TRMT9B: variants seen among roughly 807,000 people sequenced by gnomAD.
TRMT9B encodes tRNA methyltransferase 9B (putative).
TRMT9B carries 16 observed loss-of-function variants against 11.5 expected under a neutral mutation model. The observed-to-expected ratio is 1.39, with a 90% CI of 0.94 to 2.11. The LOEUF (loss-of-function observed/expected upper bound fraction) is 2.11. Among genes scored for constraint, TRMT9B ranks in the 30% most tolerant of loss-of-function variants. The pLI, the probability that TRMT9B is intolerant of heterozygous loss-of-function variation, is 0.00. For missense variants in TRMT9B, 941 were observed against 553.8 expected, an observed-to-expected ratio of 1.70 and a Z score of -7.02; for synonymous variants, 274 against 192.4, an observed-to-expected ratio of 1.42 and a Z score of -3.51.
chr8:13,005,613 C>T (rs1810313545), intron 2 of TRMT9B, among the ~76,000 whole-genome samples: 1 of 152,100 alleles, frequency 6.6e-6, no homozygotes, highest in African/African-American at 2.4e-5. Flanking sequence ...CACAACCAGT[C>T]CTATATTTTA....
rs61536433 is a variant in TRMT9B at position 12,959,516 on chromosome 8, C to CTTTTTTTTTTTTTTTTTTTTTT, written c.-200+13552_-200+13573dup. Among the ~76,000 whole-genome samples the CTTTTTTTTTTTTTTTTTTTTTT allele has an allele frequency of 9.3e-5, 7 of 74,934 alleles. 1 individual carries two copies. Among genetic ancestry groups the CTTTTTTTTTTTTTTTTTTTTTT allele is most frequent in the Non-Finnish European group, 1.6e-4 (7 of 42,664 alleles). 49.2% of individuals were successfully genotyped at this position (74,934 alleles called of 152,430 possible). ...TCTCCTCTCCTTTCCTTTTTCCTTC[C>CTTTTTTTTTTTTTTTTTTTTTT]TTTTTTTTTTTTTTTTTTTTTTTGA... On this transcript the variant is annotated intron_variant, in intron 1 of 4. Transcript: ENST00000524591.
intron 1 of TRMT9B, among the ~76,000 whole-genome samples, chr8:12,985,263 A>G (rs28681060): frequency 0.32 from 49,292 of 151,952 alleles, 8,607 homozygotes; most frequent in Middle Eastern, 0.52. Flanking sequence ...GGTGCAACAT[A>G]TTTTGTTGTT....
chr8:13,019,500 C>T (rs866933797), intron 4 of TRMT9B, among the ~76,000 whole-genome samples: 1 of 152,104 alleles, frequency 6.6e-6, no homozygotes, highest in Non-Finnish European at 1.5e-5. Flanking sequence ...TGCCATGTTG[C>T]CCAGGCTGGT....
At chr8:12,970,075 G>A (rs543107709) in intron 1 of TRMT9B, 127 of 152,218 alleles carry the variant, frequency 8.3e-4, no homozygotes, top group African/African-American at 2.9e-3. Context: ...GGAGATCCTT[G>A]GTGACCTCAC....
chr8:13,029,048 AAC>A lies in TRMT9B; in HGVS notation c.*7010_*7011del, dbSNP rs1436726850. The A allele has an allele frequency of 2.4e-5, 4 of 166,696 alleles. No individual in the cohort carries two copies. The East Asian group carries it at 5.8e-4, about 24-fold the overall frequency. 10.3% of individuals were successfully genotyped at this position (166,696 alleles called of 1,614,324 possible). On this transcript the variant is annotated 3_prime_UTR_variant, in exon 5 of 5. Coordinates refer to ENST00000524591, the MANE Select transcript of TRMT9B (RefSeq NM_020844.3). Reference sequence around the variant, plus strand: ...TATGTATGTCTGTAAATATATATATAACACACATATATATATATTCCTAGACA... The same window carrying A: ...TATGTATGTCTGTAAATATATATATAACACATATATATATATTCCTAGACA...
At chr8:12,989,120 G>A (rs893600294) in intron 1 of TRMT9B, among the ~76,000 whole-genome samples, 1 of 152,008 alleles carries the variant, frequency 6.6e-6, no homozygotes, top group Admixed American at 6.6e-5. Context: ...CTGAGCCATG[G>A]TTTGTGGTGC....
chr8:12,995,515 G>T (rs1808176564), intron 2 of TRMT9B, among the ~76,000 whole-genome samples: 1 of 152,066 alleles, frequency 6.6e-6, no homozygotes. Flanking sequence ...TGAACCGCAT[G>T]ATAATCACTC....
rs141389322 is a variant in TRMT9B, at chr8:13,026,795, C to G, written c.*4751C>G. ...GCTCTTAACCACAACACCATATACT[C>G]CCACCCCTGGGCCCAGCTCATGTGC... On this transcript the variant is annotated 3_prime_UTR_variant, in exon 5 of 5. Transcript: ENST00000524591. 552 of 167,204 alleles carry G rather than the reference C, an allele frequency of 3.3e-3. 4 individuals carry two copies. The highest frequency in any genetic ancestry group is 6.8e-3 in the Admixed American group (104 of 15,306). The allele number at this position is 167,204 out of a possible 1,614,324, so 10.4% of individuals were successfully genotyped here.
intron 1 of TRMT9B, among the ~76,000 whole-genome samples, chr8:12,981,835 G>C (rs1004968041): frequency 6.6e-6 from 1 of 152,076 alleles, no homozygotes; most frequent in Non-Finnish European, 1.5e-5. Context: ...CTGGCCTCAA[G>C]TGATCATCCT....
At chr8:12,982,102 C>T (rs1447361078) in intron 1 of TRMT9B, among the ~76,000 whole-genome samples, 1 of 152,176 alleles carries the variant, frequency 6.6e-6, no homozygotes, top group Non-Finnish European at 1.5e-5. Context: ...TGTCTACATA[C>T]CTCTCCATGT....
rs1213011221 is a variant in TRMT9B, at chr8:12,988,266, A to T, written c.-199-2568A>T. Among the ~76,000 whole-genome samples, 5 of 152,286 alleles carry T rather than the reference A, an allele frequency of 3.3e-5. No individual in the cohort carries two copies. The East Asian group carries it at 7.7e-4, about 24-fold the overall frequency. On this transcript the variant is annotated intron_variant, in intron 1 of 4. Coordinates refer to ENST00000524591, the MANE Select transcript of TRMT9B (RefSeq NM_020844.3). Reference sequence around the variant, plus strand: ...TCAGTCGCCTATGTGCTCCTGTAGCACCGGCGCACACCCACATCATAACAT... The same window carrying T: ...TCAGTCGCCTATGTGCTCCTGTAGCTCCGGCGCACACCCACATCATAACAT...
chr8:13,002,995 A>C (rs940440403), intron 2 of TRMT9B, among the ~76,000 whole-genome samples: 1 of 152,046 alleles, frequency 6.6e-6, no homozygotes, highest in Non-Finnish European at 1.5e-5. Flanking sequence ...TACCCTCTGT[A>C]CTCAGAGCCA....
intron 2 of TRMT9B, among the ~76,000 whole-genome samples, chr8:12,996,901 A>T (rs922254457): frequency 6.6e-6 from 1 of 151,312 alleles, no homozygotes; most frequent in Non-Finnish European, 1.5e-5. Flanking sequence ...CCCACTTCTA[A>T]TGGCCCACAT....
chr8:12,995,351 G>A lies in TRMT9B; in HGVS notation c.-2+4320G>A, dbSNP rs147742806. 1.2e-3 allele frequency among the ~76,000 whole-genome samples: 185 copies of A among 152,272 alleles called. 2 individuals carry two copies. Among genetic ancestry groups the A allele is most frequent in the African/African-American group, 4.5e-3 (185 of 41,564 alleles). ...ATTTGATTATATAAATCTAGTTTGA[G>A]TGCTAATTGGAGTAGATATAAACAA... On this transcript the variant is annotated intron_variant, in intron 2 of 4. Coordinates refer to ENST00000524591, the MANE Select transcript of TRMT9B (RefSeq NM_020844.3).
At chr8:12,980,833 G>A (rs189540360) in intron 1 of TRMT9B, among the ~76,000 whole-genome samples, 1 of 152,320 alleles carries the variant, frequency 6.6e-6, no homozygotes, top group Admixed American at 6.5e-5. Context: ...AATGTCCAAA[G>A]CATTCAGGGA....
chr8:13,013,610 G>A (rs1174764420), intron 4 of TRMT9B, among the ~76,000 whole-genome samples: 2 of 152,142 alleles, frequency 1.3e-5, no homozygotes, highest in African/African-American at 2.4e-5. Flanking sequence ...GTTTTGCAAT[G>A]GAAAAATATT....
intron 1 of TRMT9B, chr8:12,960,459 G>A (rs1801952331): frequency 6.6e-6 from 1 of 152,106 alleles, no homozygotes; most frequent in Non-Finnish European, 1.5e-5. Flanking sequence ...TACCTGTATG[G>A]GTGAAGACTG....
intron 1 of TRMT9B, among the ~76,000 whole-genome samples, chr8:12,957,125 G>T (rs1390761913): frequency 5.3e-5 from 8 of 152,196 alleles, no homozygotes; most frequent in Non-Finnish European, 8.8e-5. Context: ...TTCTCTCATG[G>T]TGAGGTGGAA....
At chr8:13,002,844 T>A (rs1004833194) in intron 2 of TRMT9B, among the ~76,000 whole-genome samples, 1 of 151,892 alleles carries the variant, frequency 6.6e-6, no homozygotes, top group African/African-American at 2.4e-5. Flanking sequence ...AGGATAGGGG[T>A]AGAGGTGCGG....
Sources: allele counts gnomAD v4.1 joint callset (sites outside exome capture counted in the v4.1 genomes callset), GRCh38; gene constraint gnomAD v4.1.1; transcripts MANE v1.5; gene names NCBI Gene and HGNC (gene_info 2026-07-23, HGNC 2026-07-21).